CDH13: variants seen among roughly 807,000 people sequenced by gnomAD.
The protein encoded by CDH13 is cadherin-13.
CDH13 carries 24 observed loss-of-function variants against 63.8 expected under a neutral mutation model. The ratio of observed to expected loss-of-function variants is 0.38; its 90% CI spans 0.27 to 0.53. CDH13 has a LOEUF of 0.53. CDH13 is among the 20% of genes least tolerant of loss of function. The probability of loss-of-function intolerance (pLI) is 0.85; values close to 1 mark genes in which losing one functional copy is unlikely to be tolerated. For synonymous variants in CDH13, 503 were observed against 355.3 expected (o/e 1.42, Z -4.67); for missense variants, 1,049 against 903.1 (o/e 1.16, Z -2.07).
At chr16:82,745,108 T>C (rs977687234) in intron 1 of CDH13, among the ~76,000 whole-genome samples, 2 of 152,190 alleles carry the variant, frequency 1.3e-5, no homozygotes, top group African/African-American at 4.8e-5. Flanking sequence ...CTTCAGAGTC[T>C]ACAAGTTAAT....
Position 83,635,137 on chromosome 16 carries a change from C to T in CDH13, c.1101+32543C>T, listed in dbSNP as rs866370656. 4.6e-5 allele frequency among the ~76,000 whole-genome samples: 7 copies of T among 152,026 alleles called. No homozygotes were observed. In the South Asian group the frequency reaches 1.5e-3, roughly 32 times the overall value. On this transcript the variant is annotated intron_variant, in intron 8 of 13. Transcript: ENST00000567109. ...TGTTCAGCATATAGTAATAGCTGCT[C>T]TCTGGTTTGGTGTATAGCAATATGA...
intron 1 of CDH13, among the ~76,000 whole-genome samples, chr16:82,799,065 A>C (rs914243301): frequency 1.3e-5 from 2 of 152,150 alleles, no homozygotes; most frequent in African/African-American, 4.8e-5. Flanking sequence ...ATTCAAACCC[A>C]GCAATTTGTC....
In CDH13 at chr16:83,396,363, G is replaced by A. The variant is rs185919910; in HGVS notation, c.781+51357G>A. 9.2e-5 allele frequency among the ~76,000 whole-genome samples: 14 copies of A among 152,290 alleles called. No homozygotes were observed. In the East Asian group the frequency reaches 1.7e-3, roughly 19 times the overall value. ...AGGAATGTCAATGATCAGCTATTGA[G>A]TAAGCAAAGTGAATTAATGATCTTT... On this transcript the variant is annotated intron_variant, in intron 6 of 13. Transcript: ENST00000567109.
intron 1 of CDH13, among the ~76,000 whole-genome samples, chr16:82,780,771 G>C (rs186566875): frequency 6.6e-6 from 1 of 152,112 alleles, no homozygotes; most frequent in South Asian, 2.1e-4. Flanking sequence ...TTTCTTTCAC[G>C]CTGGTTCATT....
Position 83,123,193 on chromosome 16 carries a change from C to T in CDH13, c.367-2192C>T, listed in dbSNP as rs1053571512. ...GTGTATATATGTTTTTGTGTGTGTA[C>T]ACATCTTTATAGATATGTTTATATA... On this transcript the variant is annotated intron_variant, in intron 3 of 13. Coordinates refer to ENST00000567109, the MANE Select transcript of CDH13 (RefSeq NM_001257.5). Among the ~76,000 whole-genome samples, 10 of 151,654 alleles carry T rather than the reference C, an allele frequency of 6.6e-5. No homozygotes were observed. In the East Asian group the frequency reaches 9.7e-4, roughly 15 times the overall value.
chr16:83,405,808 G>A (rs1425222803), intron 6 of CDH13, among the ~76,000 whole-genome samples: 2 of 152,168 alleles, frequency 1.3e-5, no homozygotes, highest in African/African-American at 4.8e-5. Context: ...CACCTTGGAG[G>A]CAGAGGCTGT....
intron 11 of CDH13, among the ~76,000 whole-genome samples, chr16:83,772,299 G>A (rs1914811501): frequency 6.6e-6 from 1 of 152,166 alleles, no homozygotes; most frequent in Non-Finnish European, 1.5e-5. Context: ...CAAGTCTTAT[G>A]CTGCTAGAAG....
At chr16:83,082,820 C>G (rs913442506) in intron 3 of CDH13, among the ~76,000 whole-genome samples, 2 of 152,182 alleles carry the variant, frequency 1.3e-5, no homozygotes, top group African/African-American at 2.4e-5. Flanking sequence ...CCCTCAAGCA[C>G]AGAGTCAATA....
intron 7 of CDH13, among the ~76,000 whole-genome samples, chr16:83,513,027 GA>G (rs371927742): frequency 0.076 from 9,506 of 125,002 alleles, 978 homozygotes; most frequent in African/African-American, 0.24. Context: ...AATAAAAGAA[GA>G]AAAAAAAAAA....
At chr16:82,777,579 G>T (rs527686079) in intron 1 of CDH13, among the ~76,000 whole-genome samples, 1 of 152,274 alleles carries the variant, frequency 6.6e-6, no homozygotes, top group East Asian at 1.9e-4. Context: ...GTAATCTATG[G>T]TTATACAACA....
intron 3 of CDH13, among the ~76,000 whole-genome samples, chr16:83,117,849 G>C (rs1053024222): frequency 3.3e-5 from 5 of 152,072 alleles, no homozygotes; most frequent in African/African-American, 1.2e-4. Context: ...TGTTCTTTGG[G>C]GCGAGTGTTG....
chr16:82,930,187 G>T (rs113242722), intron 2 of CDH13, among the ~76,000 whole-genome samples: 2 of 151,816 alleles, frequency 1.3e-5, no homozygotes, highest in Admixed American at 6.6e-5. Context: ...CAGTTGGCTA[G>T]GCTGGTCTCG....
At chr16:83,563,842 C>A (rs922412313) in intron 7 of CDH13, among the ~76,000 whole-genome samples, 2 of 152,130 alleles carry the variant, frequency 1.3e-5, no homozygotes, top group Non-Finnish European at 2.9e-5. Flanking sequence ...TAACTTGGCA[C>A]CACTACTATC....
At chr16:83,767,888 T>C (rs1914505434) in intron 11 of CDH13, among the ~76,000 whole-genome samples, 1 of 152,114 alleles carries the variant, frequency 6.6e-6, no homozygotes. Context: ...GGTTTATTTT[T>C]GGGGGTGATG....
chr16:83,231,336 G>T (rs992280189), intron 5 of CDH13, among the ~76,000 whole-genome samples: 1 of 152,204 alleles, frequency 6.6e-6, no homozygotes, highest in African/African-American at 2.4e-5. Flanking sequence ...AAATCTGCTA[G>T]GTTCAGGGCT....
At chr16:82,713,134 C>T (rs773148236) in intron 1 of CDH13, among the ~76,000 whole-genome samples, 1 of 151,982 alleles carries the variant, frequency 6.6e-6, no homozygotes, top group Non-Finnish European at 1.5e-5. Flanking sequence ...AATAGCAACT[C>T]GAAGTCATTG....
intron 1 of CDH13, among the ~76,000 whole-genome samples, chr16:82,638,825 C>T (rs4783246): frequency 6.9e-4 from 30 of 43,554 alleles, no homozygotes; most frequent in Middle Eastern, 0.022. Context: ...GCAGTGTGTG[C>T]GTGTGTGCGT....
chr16:82,696,131 T>G (rs1382513031), intron 1 of CDH13, among the ~76,000 whole-genome samples: 1 of 152,202 alleles, frequency 6.6e-6, no homozygotes, highest in African/African-American at 2.4e-5. Flanking sequence ...CACTGACCCT[T>G]CTGGGACTCT....
chr16:83,016,909 A>C (rs1202948802), intron 2 of CDH13, among the ~76,000 whole-genome samples: 2 of 152,216 alleles, frequency 1.3e-5, no homozygotes, highest in Non-Finnish European at 2.9e-5. Flanking sequence ...TCCTTGGATC[A>C]AATTTCTGTG....
Sources: gnomAD v4.1 joint callset for allele counts (sites outside exome capture counted in the v4.1 genomes callset) on GRCh38, gnomAD v4.1.1 for gene constraint, MANE v1.5 for transcripts, NCBI Gene and HGNC (gene_info 2026-07-23, HGNC 2026-07-21) for gene names.